The following MSH3 variants were observed in gnomAD, a reference collection of about 807,000 sequenced individuals.
MSH3 encodes mutS homolog 3.
Under a neutral mutation model 123.3 loss-of-function variants are expected in MSH3, and 106 were observed. That is an observed-to-expected ratio of 0.86 (90% CI 0.73 to 1.01). MSH3 has a LOEUF of 1.01. MSH3 is among the 50% of genes least tolerant of loss of function. MSH3 has a pLI of 0.00. For missense variants in MSH3, 1,459 were observed against 1,347.6 expected, an observed-to-expected ratio of 1.08 and a Z score of -1.29; for synonymous variants, 515 against 481.4, an observed-to-expected ratio of 1.07 and a Z score of -0.91.
intron 2 of MSH3, among the ~76,000 whole-genome samples, chr5:80,658,108 C>T (rs2112803501): frequency 7.2e-6 from 1 of 139,292 alleles, no homozygotes; most frequent in African/African-American, 2.8e-5. Context: ...AATCTCAGCT[C>T]ACTGTAACCT....
intron 20 of MSH3, among the ~76,000 whole-genome samples, chr5:80,835,144 A>C (rs941564919): frequency 6.6e-6 from 1 of 152,222 alleles, no homozygotes; most frequent in African/African-American, 2.4e-5. Context: ...GAAATGACCA[A>C]ATTCTATGTA....
chr5:80,748,113 C>A (rs140255015), intron 12 of MSH3, among the ~76,000 whole-genome samples: 1 of 152,202 alleles, frequency 6.6e-6, no homozygotes, highest in African/African-American at 2.4e-5. Context: ...TAATGGATGA[C>A]GAGGGGATTT....
chr5:80,665,155 G>A lies in MSH3; in HGVS notation c.371G>A (p.Cys124Tyr). ...GMSGNSEPKKCLRTRNVSKSL... is the reference protein window; with the variant it reads ...GMSGNSEPKKYLRTRNVSKSL... ...TTTGCTGCCTAAGAGCCAAAGAAAT[G>A]TCTGAGGACCAGGAATGTTTCAAAG... Residue 124 changes from cysteine (C) to tyrosine (Y), a missense_variant, in exon 3 of 24, where the codon TGT becomes TAT. Physicochemically the swap from Cys to Tyr is radical, Grantham distance 194. Transcript: ENST00000265081. 7 of 1,613,956 alleles carry A rather than the reference G, an allele frequency of 4.3e-6. No individual in the cohort carries two copies. The highest frequency in any genetic ancestry group is 5.1e-6 in the Non-Finnish European group (6 of 1,179,888).
chr5:80,819,446 A>ATATG (rs1554074778), intron 20 of MSH3, among the ~76,000 whole-genome samples: 1 of 136,796 alleles, frequency 7.3e-6, no homozygotes, highest in African/African-American at 2.7e-5. Flanking sequence ...ATATATGTAT[A>ATATG]TGTGTGTGTG....
At chr5:80,755,946 T>C (rs1425269191) in intron 12 of MSH3, among the ~76,000 whole-genome samples, 1 of 152,210 alleles carries the variant, frequency 6.6e-6, no homozygotes, top group Non-Finnish European at 1.5e-5. Context: ...AGTTTCAATT[T>C]ATACTCTGTG....
chr5:80,792,876 G>A (rs1245593417), intron 19 of MSH3, 32 bp downstream of exon 19: 6 of 1,362,912 alleles, frequency 4.4e-6, no homozygotes, highest in Middle Eastern at 1.8e-4. Context: ...ATAAGTCGAT[G>A]ATAACATCCC....
intron 20 of MSH3, among the ~76,000 whole-genome samples, chr5:80,819,297 T>C (rs1745159134): frequency 6.6e-6 from 1 of 151,790 alleles, no homozygotes; most frequent in African/African-American, 2.4e-5. Context: ...TAAAAACATA[T>C]GTATATATAG....
chr5:80,714,248 G>A (rs552947803), intron 8 of MSH3, among the ~76,000 whole-genome samples: 1 of 143,738 alleles, frequency 7.0e-6, no homozygotes, highest in South Asian at 2.2e-4. Context: ...CGATTCTCCT[G>A]CCTCAGCCTC....
intron 20 of MSH3, among the ~76,000 whole-genome samples, chr5:80,814,596 T>A (rs1346411403): frequency 6.6e-6 from 1 of 152,204 alleles, no homozygotes; most frequent in Non-Finnish European, 1.5e-5. Context: ...AGAAAATCTT[T>A]TGTAGAAAAT....
intron 8 of MSH3, among the ~76,000 whole-genome samples, chr5:80,711,957 A>C (rs1255002447): frequency 6.6e-6 from 1 of 152,142 alleles, no homozygotes; most frequent in African/African-American, 2.4e-5. Context: ...CCCGGCCAGC[A>C]CTACACTTTC....
intron 13 of MSH3, among the ~76,000 whole-genome samples, chr5:80,767,268 A>C (rs992799962): frequency 2.0e-5 from 3 of 152,130 alleles, no homozygotes; most frequent in Non-Finnish European, 4.4e-5. Flanking sequence ...TCAAAGGGTT[A>C]TGTGCACTTT....
At chr5:80,717,242 A>G (rs1750981723) in intron 8 of MSH3, among the ~76,000 whole-genome samples, 1 of 152,136 alleles carries the variant, frequency 6.6e-6, no homozygotes, top group Admixed American at 6.6e-5. Context: ...AGATTGCTGG[A>G]TCATGTAATA....
At chr5:80,716,503 G>T (rs1334039675) in intron 8 of MSH3, among the ~76,000 whole-genome samples, 7 of 151,716 alleles carry the variant, frequency 4.6e-5, no homozygotes, top group Non-Finnish European at 7.4e-5. Flanking sequence ...GGCCTCAAGC[G>T]ATCCTCCTGC....
In MSH3 at chr5:80,695,081, T is replaced by G. The variant is rs1049693815; in HGVS notation, c.1340+15988T>G. ...TTTTGTTGTTGGTGGTGGTGTTTTT[T>G]TTGTTGTTTTTTTTTTTTTTTGCCT... On this transcript the variant is annotated intron_variant, in intron 8 of 23. Coordinates refer to ENST00000265081, the MANE Select transcript of MSH3 (RefSeq NM_002439.5). 1.8e-4 allele frequency among the ~76,000 whole-genome samples: 24 copies of G among 133,926 alleles called. 1 individual carries two copies. Among genetic ancestry groups the G allele is most frequent in the Middle Eastern group, 3.8e-3 (1 of 260 alleles). The allele number at this position is 133,926 out of a possible 152,430, so 87.9% of individuals were successfully genotyped here.
At chr5:80,688,834 GTTA>G (rs1750158130) in intron 8 of MSH3, among the ~76,000 whole-genome samples, 1 of 152,012 alleles carries the variant, frequency 6.6e-6, no homozygotes. Context: ...CATACGAAAT[GTTA>G]TTAAGTGGTC....
rs1208557813 is a variant in MSH3, at chr5:80,769,023, T to C, written c.2253+20T>C. ...CAGGAGGTAATGTCAAGCTTACTTTTATTTTCTATTAGTTTTACTCTAGTA... is the reference window on the plus strand; with the variant it reads ...CAGGAGGTAATGTCAAGCTTACTTTCATTTTCTATTAGTTTTACTCTAGTA... On this transcript the variant is annotated intron_variant, in intron 15 of 23. Transcript: ENST00000265081. 6.2e-6 allele frequency: 10 copies of C among 1,602,620 alleles called. No individual in the cohort carries two copies. The highest frequency in any genetic ancestry group is 8.5e-6 in the Non-Finnish European group (10 of 1,170,612).
intron 13 of MSH3, among the ~76,000 whole-genome samples, chr5:80,767,535 C>CT (rs1280283843): frequency 1.3e-5 from 2 of 151,966 alleles, no homozygotes; most frequent in African/African-American, 4.8e-5. Context: ...AGCCATTGTT[C>CT]TTTGGATTAT....
At chr5:80,854,005 G>T in intron 20 of MSH3, 125 bp from the exon 21 acceptor site, 3 of 755,774 alleles carry the variant, frequency 4.0e-6, no homozygotes, top group Admixed American at 2.6e-5. Flanking sequence ...TTTAATTTGA[G>T]CTATTATTGG....
intron 9 of MSH3, among the ~76,000 whole-genome samples, chr5:80,727,290 A>G (rs777956165): frequency 5.3e-5 from 8 of 152,190 alleles, no homozygotes; most frequent in African/African-American, 1.4e-4. Context: ...AAGAAAATCA[A>G]TTTCTCAGTG....
Sources: gnomAD v4.1 joint callset for allele counts (sites outside exome capture counted in the v4.1 genomes callset) on GRCh38, gnomAD v4.1.1 for gene constraint, MANE v1.5 for transcripts, NCBI Gene and HGNC (gene_info 2026-07-23, HGNC 2026-07-21) for gene names.